MGAT4C: variants seen among roughly 807,000 people sequenced by gnomAD.
The protein encoded by MGAT4C is MGAT4 family member C.
A neutral mutation model predicts 40.1 loss-of-function variants in MGAT4C; 19 were observed. That is an observed-to-expected ratio of 0.47 (90% CI 0.33 to 0.70). The LOEUF is 0.70. Among genes scored for constraint, MGAT4C ranks in the 30% least tolerant of loss-of-function variants. The pLI is 0.02. For synonymous variants in MGAT4C, 181 were observed against 187.1 expected (o/e 0.97, Z 0.27); for missense variants, 491 against 563.2 (o/e 0.87, Z 1.30).
chr12:86,329,000 A>G (rs10858417), intron 4 of MGAT4C, among the ~76,000 whole-genome samples: 131,915 of 151,656 alleles, frequency 0.87, 57,471 homozygotes, highest in East Asian at 1. Context: ...CTACTTGGGA[A>G]GCTAAGGCAG....
Position 86,093,731 on chromosome 12 carries a change from AAACAACAAC to A in MGAT4C, c.-56-44017_-56-44009del, listed in dbSNP as rs35399411. On this transcript the variant is annotated intron_variant, in intron 1 of 4. Transcript: ENST00000611864. ...CAAGGCAGAGTGAGACTCCGTCTAA[AAACAACAAC>A]AACAACAACAACAACAACAACAACA... 9.5e-3 allele frequency among the ~76,000 whole-genome samples: 1,421 copies of A among 149,516 alleles called. 17 individuals are homozygous for A. Among genetic ancestry groups the A allele is most frequent in the African/African-American group, 0.028 (1,122 of 40,424 alleles).
At chr12:86,077,037 A>C (rs1485675859) in intron 1 of MGAT4C, among the ~76,000 whole-genome samples, 1 of 152,118 alleles carries the variant, frequency 6.6e-6, no homozygotes, top group Middle Eastern at 3.2e-3. Flanking sequence ...CCCTGCTGCC[A>C]GCTGATTAGA....
chr12:86,646,823 T>C (rs184013726), intron 2 of MGAT4C, among the ~76,000 whole-genome samples: 10 of 152,110 alleles, frequency 6.6e-5, no homozygotes, highest in Admixed American at 3.3e-4. Context: ...TTATTTTAAC[T>C]GACATATAAT....
chr12:86,476,862 T>C (rs1826996882), intron 2 of MGAT4C, among the ~76,000 whole-genome samples: 1 of 152,100 alleles, frequency 6.6e-6, no homozygotes, highest in Admixed American at 6.6e-5. Flanking sequence ...CACATGTAAG[T>C]GGGAGTTAAG....
At chr12:86,249,449 G>A (rs1493417) in intron 1 of MGAT4C, among the ~76,000 whole-genome samples, 129,270 of 152,166 alleles carry the variant, frequency 0.85, 54,980 homozygotes, top group East Asian at 0.95. Context: ...TGCTTTAAAT[G>A]GTGCCAAATA....
chr12:86,785,611 C>T (rs1347614052), intron 1 of MGAT4C, among the ~76,000 whole-genome samples: 1 of 151,478 alleles, frequency 6.6e-6, no homozygotes, highest in Non-Finnish European at 1.5e-5. Flanking sequence ...TAAAAAATAA[C>T]AATAGTCAAT....
At chr12:86,466,505 A>G (rs1773734449) in intron 2 of MGAT4C, among the ~76,000 whole-genome samples, 1 of 152,258 alleles carries the variant, frequency 6.6e-6, no homozygotes, top group East Asian at 1.9e-4. Context: ...CTATGGTGAC[A>G]GTAAAAAGTC....
chr12:86,117,356 C>T (rs753974990), intron 1 of MGAT4C, among the ~76,000 whole-genome samples: 4 of 152,126 alleles, frequency 2.6e-5, no homozygotes, highest in Non-Finnish European at 5.9e-5. Flanking sequence ...TAAGACAGGA[C>T]AAGTGAAAAT....
At chr12:86,028,212 T>C (rs1300280998) in intron 2 of MGAT4C, 5 of 1,275,452 alleles carry the variant, frequency 3.9e-6, no homozygotes, top group Middle Eastern at 2.2e-4. Context: ...CATCTGCTGA[T>C]GGAAAAAAGT....
chr12:86,704,935 C>T (rs1245919203), intron 2 of MGAT4C, among the ~76,000 whole-genome samples: 2 of 152,102 alleles, frequency 1.3e-5, no homozygotes, highest in Admixed American at 6.6e-5. Flanking sequence ...GTTAACTTTC[C>T]ATATTTTTCT....
intron 2 of MGAT4C, among the ~76,000 whole-genome samples, chr12:85,990,334 T>C (rs1442241431): frequency 6.6e-6 from 1 of 152,170 alleles, no homozygotes; most frequent in Non-Finnish European, 1.5e-5. Flanking sequence ...TCCTTTACAT[T>C]ATTCATTATT....
intron 2 of MGAT4C, among the ~76,000 whole-genome samples, chr12:86,035,431 T>C (rs1372048014): frequency 6.7e-6 from 1 of 150,120 alleles, no homozygotes; most frequent in Non-Finnish European, 1.5e-5. Context: ...GGGGTTGTTT[T>C]TTTCTTGTAA....
intron 1 of MGAT4C, among the ~76,000 whole-genome samples, chr12:86,174,666 A>G (rs1164457036): frequency 6.6e-6 from 1 of 152,172 alleles, no homozygotes; most frequent in Admixed American, 6.6e-5. Context: ...CCAATATCAA[A>G]ACATTCTTAA....
intron 2 of MGAT4C, among the ~76,000 whole-genome samples, chr12:86,501,285 T>A (rs1356278516): frequency 1.3e-5 from 2 of 152,150 alleles, no homozygotes; most frequent in Admixed American, 1.3e-4. Context: ...ATTGGAATTT[T>A]AAAAATTATT....
At chr12:86,710,264 C>G (rs1470620523) in intron 2 of MGAT4C, among the ~76,000 whole-genome samples, 1 of 152,080 alleles carries the variant, frequency 6.6e-6, no homozygotes, top group Non-Finnish European at 1.5e-5. Context: ...AGTAAATACC[C>G]TTGAACCTCT....
chr12:86,561,891 C>T (rs1035043789), intron 2 of MGAT4C, among the ~76,000 whole-genome samples: 1 of 152,144 alleles, frequency 6.6e-6, no homozygotes. Flanking sequence ...CTTTATCTTA[C>T]TAGACTCCAA....
intron 2 of MGAT4C, among the ~76,000 whole-genome samples, chr12:86,686,660 C>T (rs1033686943): frequency 3.3e-5 from 5 of 152,098 alleles, no homozygotes; most frequent in Non-Finnish European, 2.9e-5. Flanking sequence ...TATGTTGAAC[C>T]AGCCTTGCAT....
intron 1 of MGAT4C, among the ~76,000 whole-genome samples, chr12:86,253,972 G>A (rs1265260941): frequency 6.6e-6 from 1 of 151,978 alleles, no homozygotes; most frequent in African/African-American, 2.4e-5. Flanking sequence ...CCAGCATATG[G>A]AGTATGCAGA....
At chr12:86,231,635 A>G (rs1324510094) in intron 1 of MGAT4C, among the ~76,000 whole-genome samples, 2 of 152,228 alleles carry the variant, frequency 1.3e-5, no homozygotes, top group Non-Finnish European at 2.9e-5. Flanking sequence ...AGTGATATAC[A>G]GGGTATTTAT....
Sources: allele counts gnomAD v4.1 joint callset (sites outside exome capture counted in the v4.1 genomes callset), GRCh38; gene constraint gnomAD v4.1.1; transcripts MANE v1.5; gene names NCBI Gene and HGNC (gene_info 2026-07-23, HGNC 2026-07-21).